The following TMTC2 variants were observed in gnomAD, a reference collection of about 807,000 sequenced individuals.
TMTC2 encodes the protein transmembrane O-mannosyltransferase targeting cadherins 2.
A neutral mutation model predicts 82.4 loss-of-function variants in TMTC2; 43 were observed. The ratio of observed to expected loss-of-function variants is 0.52; its 90% CI spans 0.41 to 0.67. The LOEUF is 0.67. TMTC2 is among the 30% of genes least tolerant of loss of function. The pLI is 0.00. For missense variants in TMTC2, 919 were observed against 1,012.4 expected (o/e 0.91, Z 1.25); for synonymous variants, 408 against 381.9 (o/e 1.07, Z -0.80).
chr12:82,749,503 T>G (rs1217905291), intron 1 of TMTC2, among the ~76,000 whole-genome samples: 2 of 152,056 alleles, frequency 1.3e-5, no homozygotes, highest in African/African-American at 4.8e-5. Context: ...TTGTTTTTTT[T>G]TAATTTGGTA....
intron 7 of TMTC2, among the ~76,000 whole-genome samples, chr12:82,968,867 C>T (rs534086131): frequency 2.6e-5 from 4 of 152,164 alleles, no homozygotes; most frequent in Admixed American, 6.5e-5. Flanking sequence ...TTGCTTTGTC[C>T]AGACTCTGAA....
rs926263781 is a variant in TMTC2, at chr12:82,710,869, C to T, written c.83+23200C>T. Reference sequence around the variant, plus strand: ...TAAGAGCATGGAATGGAATCCAATTCGGCTTCATCTATCTTTATTTTTCAT... The same window carrying T: ...TAAGAGCATGGAATGGAATCCAATTTGGCTTCATCTATCTTTATTTTTCAT... On this transcript the variant is annotated intron_variant, in intron 1 of 11. Transcript: ENST00000321196. Among the ~76,000 whole-genome samples, 8 of 152,152 alleles carry T rather than the reference C, an allele frequency of 5.3e-5. No homozygotes were observed. In the South Asian group the frequency reaches 8.3e-4, roughly 16 times the overall value.
intron 1 of TMTC2, among the ~76,000 whole-genome samples, chr12:82,705,959 G>A (rs1873331945): frequency 6.6e-6 from 1 of 152,174 alleles, no homozygotes; most frequent in Non-Finnish European, 1.5e-5. Flanking sequence ...AGGCACTTGT[G>A]AGATGCTTAT....
intron 3 of TMTC2, among the ~76,000 whole-genome samples, chr12:82,918,898 C>CTCAGT (rs1875197783): frequency 6.6e-6 from 1 of 152,008 alleles, no homozygotes; most frequent in Admixed American, 6.6e-5. Context: ...GCTGGGACTA[C>CTCAGT]AGGTGCCTGC....
At chr12:82,780,819 T>TA (rs926991551) in intron 1 of TMTC2, among the ~76,000 whole-genome samples, 2 of 128,086 alleles carry the variant, frequency 1.6e-5, no homozygotes, top group Non-Finnish European at 3.4e-5. Flanking sequence ...TTTTTTTTTT[T>TA]AATTTGGCTT....
chr12:83,003,916 A>G (rs1336610505), intron 8 of TMTC2, among the ~76,000 whole-genome samples: 1 of 152,078 alleles, frequency 6.6e-6, no homozygotes, highest in East Asian at 1.9e-4. Flanking sequence ...CCTCTCTAGT[A>G]AGATTGGGAA....
chr12:82,923,368 A>AG (rs367828697), intron 3 of TMTC2, among the ~76,000 whole-genome samples: 161 of 151,956 alleles, frequency 1.1e-3, no homozygotes, highest in African/African-American at 3.6e-3. Context: ...GCTTTGCAGG[A>AG]GTTCCTTCTA....
intron 11 of TMTC2, among the ~76,000 whole-genome samples, chr12:83,081,653 G>A (rs1883473427): frequency 6.6e-6 from 1 of 151,958 alleles, no homozygotes; most frequent in Admixed American, 6.6e-5. Flanking sequence ...TAAATACACA[G>A]GAATCTAAAA....
chr12:82,726,580 C>A (rs1874460318), intron 1 of TMTC2, among the ~76,000 whole-genome samples: 1 of 152,092 alleles, frequency 6.6e-6, no homozygotes, highest in African/African-American at 2.4e-5. Flanking sequence ...GGTCACATAG[C>A]TAGAAAGTGG....
chr12:82,866,787 T>C (rs1045234925), intron 2 of TMTC2, among the ~76,000 whole-genome samples: 6 of 152,214 alleles, frequency 3.9e-5, no homozygotes, highest in East Asian at 3.9e-4. Flanking sequence ...TGATAACTTA[T>C]TGTTGATTTA....
intron 9 of TMTC2, among the ~76,000 whole-genome samples, chr12:83,036,476 GTC>G (rs1259731453): frequency 4.0e-4 from 56 of 140,590 alleles, no homozygotes; most frequent in African/African-American, 1.3e-3. Context: ...TTGTCCCCGA[GTC>G]TTTTTTTTTT....
At chr12:82,813,841 C>G (rs1868537035) in intron 1 of TMTC2, among the ~76,000 whole-genome samples, 1 of 151,982 alleles carries the variant, frequency 6.6e-6, no homozygotes, top group Non-Finnish European at 1.5e-5. Flanking sequence ...CTCCTGTGTG[C>G]CAGATATTCT....
intron 7 of TMTC2, among the ~76,000 whole-genome samples, chr12:82,977,411 C>CA (rs1197417011): frequency 6.6e-6 from 1 of 151,470 alleles, no homozygotes; most frequent in Admixed American, 6.6e-5. Context: ...ACCAATAGGA[C>CA]AAAGTGGAGA....
At chr12:82,800,510 G>A (rs1878940401) in intron 1 of TMTC2, among the ~76,000 whole-genome samples, 1 of 152,144 alleles carries the variant, frequency 6.6e-6, no homozygotes, top group Admixed American at 6.6e-5. Context: ...TGTGTTTTCA[G>A]AGCAGGACTC....
rs188255439 is a variant in TMTC2, at chr12:83,017,084, A to T, written c.2071-13714A>T. Among the ~76,000 whole-genome samples the T allele has an allele frequency of 7.2e-5, 11 of 152,348 alleles. No individual in the cohort carries two copies. The East Asian group carries it at 1.7e-3, about 24-fold the overall frequency. On this transcript the variant is annotated intron_variant, in intron 8 of 11. Transcript: ENST00000321196. ...GAATGGAAACTTAATTATGCCTAGC[A>T]AATTCCCATGGTCTCCGGCTCTGAA...
chr12:82,760,926 T>A, intron 1 of TMTC2: 1 of 334,068 alleles, frequency 3.0e-6, no homozygotes, highest in South Asian at 2.4e-5. Context: ...TCCCACTGAT[T>A]ATACATTATG....
intron 4 of TMTC2, among the ~76,000 whole-genome samples, chr12:82,940,965 G>C (rs769825784): frequency 2.0e-5 from 3 of 151,968 alleles, no homozygotes; most frequent in Non-Finnish European, 2.9e-5. Flanking sequence ...ATTATAAAGA[G>C]CCAAGTATTT....
At chr12:82,714,054 A>G (rs934038501) in intron 1 of TMTC2, among the ~76,000 whole-genome samples, 5 of 152,244 alleles carry the variant, frequency 3.3e-5, no homozygotes, top group Non-Finnish European at 7.3e-5. Context: ...AAGCACAACA[A>G]TGTTAAGTGA....
At chr12:83,079,551 G>C (rs1592733375) in intron 11 of TMTC2, among the ~76,000 whole-genome samples, 1 of 151,934 alleles carries the variant, frequency 6.6e-6, no homozygotes, top group African/African-American at 2.4e-5. Flanking sequence ...ACAACTGTTT[G>C]CTTTTACTTG....
Sources: gnomAD v4.1 joint callset for allele counts (sites outside exome capture counted in the v4.1 genomes callset) on GRCh38, gnomAD v4.1.1 for gene constraint, MANE v1.5 for transcripts, NCBI Gene and HGNC (gene_info 2026-07-23, HGNC 2026-07-21) for gene names.